Variants in PRKG1 observed in about 807,000 individuals in gnomAD.
PRKG1 encodes cGMP-dependent protein kinase 1.
PRKG1 carries 35 observed loss-of-function variants against 88.1 expected under a neutral mutation model. That is an observed-to-expected ratio of 0.40 (90% CI 0.30 to 0.53). The LOEUF is 0.53. Among genes scored for constraint, PRKG1 ranks in the 20% least tolerant of loss-of-function variants. The probability of loss-of-function intolerance (pLI) is 0.59; values close to 1 mark genes in which losing one functional copy is unlikely to be tolerated. For missense variants in PRKG1, 540 were observed against 839.8 expected (o/e 0.64, Z 4.41); for synonymous variants, 303 against 292.5 (o/e 1.04, Z -0.37).
At chr10:51,255,433 G>A (rs1044629325) in intron 2 of PRKG1, among the ~76,000 whole-genome samples, 5 of 152,180 alleles carry the variant, frequency 3.3e-5, no homozygotes, top group African/African-American at 9.6e-5. Context: ...AACTCTGCTC[G>A]AACTATCTCA....
chr10:52,286,618 AAG>A (rs1364715540), intron 14 of PRKG1, among the ~76,000 whole-genome samples: 1 of 152,056 alleles, frequency 6.6e-6, no homozygotes, highest in Admixed American at 6.6e-5. Context: ...GTGGGAGGTA[AAG>A]CAGGTATAAC....
chr10:51,791,324 T>A (rs1838864568), intron 3 of PRKG1, among the ~76,000 whole-genome samples: 1 of 152,106 alleles, frequency 6.6e-6, no homozygotes, highest in African/African-American at 2.4e-5. Context: ...CATAGTAAGG[T>A]CTCAAAAATG....
At chr10:51,276,746 G>A (rs139022575) in intron 2 of PRKG1, among the ~76,000 whole-genome samples, 1,815 of 152,210 alleles carry the variant, frequency 0.012, 31 homozygotes, top group African/African-American at 0.04. Flanking sequence ...TGTGTCTGTC[G>A]ACTGCATAAA....
chr10:52,260,114 T>G (rs1325257607), intron 10 of PRKG1, among the ~76,000 whole-genome samples: 1 of 151,928 alleles, frequency 6.6e-6, no homozygotes, highest in Non-Finnish European at 1.5e-5. Flanking sequence ...CCACCCTCAT[T>G]CCCATTCCCC....
At chr10:52,135,409 A>G (rs1837382646) in intron 8 of PRKG1, among the ~76,000 whole-genome samples, 1 of 152,098 alleles carries the variant, frequency 6.6e-6, no homozygotes, top group African/African-American at 2.4e-5. Context: ...AGACCATTTT[A>G]TGCAGCAAAA....
At position 51,472,731 on chromosome 10, in the gene PRKG1, C is replaced by G. The variant is rs372559230; in HGVS notation, c.592+4895C>G. On this transcript the variant is annotated intron_variant, in intron 3 of 17. Transcript: ENST00000373980. ...CACTGTCCATCAGCACAAACAATTG[C>G]TAGAATACCATTATTCCTGGGTTTT... 3.9e-5 allele frequency among the ~76,000 whole-genome samples: 6 copies of G among 152,042 alleles called. 1 individual carries two copies. The highest frequency in any genetic ancestry group is 2.0e-4 in the Admixed American group (3 of 15,216).
chr10:51,107,301 C>T (rs968640621), intron 1 of PRKG1, among the ~76,000 whole-genome samples: 1 of 152,032 alleles, frequency 6.6e-6, no homozygotes, highest in African/African-American at 2.4e-5. Context: ...TGGATATTAT[C>T]CCAATGCAAT....
At chr10:51,430,666 C>T (rs780909250) in intron 2 of PRKG1, among the ~76,000 whole-genome samples, 1 of 152,024 alleles carries the variant, frequency 6.6e-6, no homozygotes, top group Non-Finnish European at 1.5e-5. Flanking sequence ...TTTATAGCAA[C>T]TTCTAATAGG....
intron 1 of PRKG1, among the ~76,000 whole-genome samples, chr10:51,021,667 C>A (rs982015709): frequency 6.6e-6 from 1 of 151,938 alleles, no homozygotes; most frequent in Non-Finnish European, 1.5e-5. Context: ...AAATAAAAAG[C>A]CTAGTTCTTT....
At chr10:51,370,429 A>G (rs1842677980) in intron 2 of PRKG1, among the ~76,000 whole-genome samples, 1 of 151,936 alleles carries the variant, frequency 6.6e-6, no homozygotes, top group Non-Finnish European at 1.5e-5. Flanking sequence ...GTTGAAAATA[A>G]TAATAATAAA....
At chr10:51,236,086 A>T (rs1790939765) in intron 2 of PRKG1, among the ~76,000 whole-genome samples, 1 of 152,166 alleles carries the variant, frequency 6.6e-6, no homozygotes, top group Admixed American at 6.6e-5. Context: ...GCTCTTTGAG[A>T]ACCACTGTTC....
At chr10:51,834,698 G>GAAAGAA (rs1564667143) in intron 4 of PRKG1, among the ~76,000 whole-genome samples, 2 of 139,842 alleles carry the variant, frequency 1.4e-5, no homozygotes, top group African/African-American at 5.6e-5. Flanking sequence ...GAAAGAAAGA[G>GAAAGAA]AGAGAGAGAA....
intron 3 of PRKG1, among the ~76,000 whole-genome samples, chr10:51,598,344 G>A (rs1208461157): frequency 2.6e-5 from 4 of 152,144 alleles, no homozygotes; most frequent in Admixed American, 2.6e-4. Context: ...TATGATATCA[G>A]CCCACTGCAA....
At chr10:51,831,694 C>T (rs1023864520) in intron 4 of PRKG1, among the ~76,000 whole-genome samples, 2 of 152,064 alleles carry the variant, frequency 1.3e-5, no homozygotes, top group African/African-American at 4.8e-5. Context: ...TCTCTTATCT[C>T]TGCATTCTGG....
chr10:52,035,910 A>G (rs1845597018), intron 5 of PRKG1, among the ~76,000 whole-genome samples: 1 of 152,226 alleles, frequency 6.6e-6, no homozygotes, highest in Non-Finnish European at 1.5e-5. Context: ...CAGAAAGGCT[A>G]CAGGGTGCGG....
At chr10:51,548,573 CT>C (rs1842499870) in intron 3 of PRKG1, among the ~76,000 whole-genome samples, 1 of 152,100 alleles carries the variant, frequency 6.6e-6, no homozygotes, top group Admixed American at 6.6e-5. Flanking sequence ...ATTTTATCCT[CT>C]TTTAGCTCAG....
chr10:51,596,482 C>T (rs992614173), intron 3 of PRKG1, among the ~76,000 whole-genome samples: 2 of 152,116 alleles, frequency 1.3e-5, no homozygotes, highest in African/African-American at 2.4e-5. Flanking sequence ...AGCTTGATGG[C>T]CTTCCAATAG....
At chr10:52,233,019 G>A (rs543975114) in intron 9 of PRKG1, among the ~76,000 whole-genome samples, 1 of 152,254 alleles carries the variant, frequency 6.6e-6, no homozygotes, top group Non-Finnish European at 1.5e-5. Flanking sequence ...TGTTAAGACT[G>A]GGAAAGAGAG....
chr10:51,953,892 C>A (rs572591226), intron 5 of PRKG1, among the ~76,000 whole-genome samples: 1 of 152,108 alleles, frequency 6.6e-6, no homozygotes, highest in African/African-American at 2.4e-5. Flanking sequence ...ATCACTGTGA[C>A]TTTGTGTTAA....
Sources: gnomAD v4.1 joint callset for allele counts (sites outside exome capture counted in the v4.1 genomes callset) on GRCh38, gnomAD v4.1.1 for gene constraint, MANE v1.5 for transcripts, NCBI Gene and HGNC (gene_info 2026-07-23, HGNC 2026-07-21) for gene names.